The following SUPT3H variants were observed in gnomAD, a reference collection of about 807,000 sequenced individuals.
SUPT3H encodes the protein SPT3 homolog, SAGA and STAGA complex component.
SUPT3H carries 44 observed loss-of-function variants against 44.3 expected under a neutral mutation model. The ratio of observed to expected loss-of-function variants is 0.99; its 90% CI spans 0.78 to 1.28. The LOEUF is 1.28. SUPT3H is among the 50% of genes most tolerant of loss of function. The pLI is 0.00. For missense variants in SUPT3H, 380 were observed against 387.1 expected, an observed-to-expected ratio of 0.98 and a Z score of 0.15; for synonymous variants, 124 against 125.6, an observed-to-expected ratio of 0.99 and a Z score of 0.09.
chr6:44,893,334 G>A (rs1298404051), intron 10 of SUPT3H, among the ~76,000 whole-genome samples: 6 of 152,186 alleles, frequency 3.9e-5, no homozygotes, highest in East Asian at 1.9e-4. Flanking sequence ...CCACTAACTC[G>A]TCATCTAGCA....
intron 2 of SUPT3H, among the ~76,000 whole-genome samples, chr6:45,107,260 T>C (rs548274986): frequency 7.9e-5 from 12 of 152,176 alleles, no homozygotes; most frequent in Non-Finnish European, 1.3e-4. Flanking sequence ...AATAGAGTAC[T>C]GAACCTTCAA....
At chr6:45,141,359 A>AG (rs1227535695) in intron 2 of SUPT3H, among the ~76,000 whole-genome samples, 4 of 149,992 alleles carry the variant, frequency 2.7e-5, no homozygotes, top group Admixed American at 6.7e-5. Context: ...AAAAAAAAAA[A>AG]AAAAGAAAAG....
At chr6:44,870,816 C>A (rs1015005688) in intron 10 of SUPT3H, among the ~76,000 whole-genome samples, 1 of 151,470 alleles carries the variant, frequency 6.6e-6, no homozygotes, top group African/African-American at 2.4e-5. Flanking sequence ...TGAAGCAGGG[C>A]GAGGCATTCC....
intron 2 of SUPT3H, among the ~76,000 whole-genome samples, chr6:45,225,974 TAAG>T (rs1766866711): frequency 6.6e-6 from 1 of 152,096 alleles, no homozygotes; most frequent in South Asian, 2.1e-4. Flanking sequence ...ATAAATTTGT[TAAG>T]GAGAAAAAAA....
intron 3 of SUPT3H, among the ~76,000 whole-genome samples, chr6:45,023,516 T>C (rs1785481629): frequency 1.3e-5 from 2 of 152,074 alleles, no homozygotes; most frequent in African/African-American, 4.8e-5. Flanking sequence ...AACAAGGACA[T>C]GGAATCAACT....
intron 9 of SUPT3H, 54 bp from the exon 10 acceptor site, chr6:44,932,817 T>G: frequency 8.4e-7 from 1 of 1,196,046 alleles, no homozygotes; most frequent in Non-Finnish European, 1.2e-6. Flanking sequence ...GCAACAGAAC[T>G]ACAGTGTATA....
intron 2 of SUPT3H, among the ~76,000 whole-genome samples, chr6:45,318,185 T>A (rs115422986): frequency 0.017 from 2,663 of 152,180 alleles, 50 homozygotes; most frequent in South Asian, 0.085. Flanking sequence ...TTATGTTATA[T>A]GTATTTAACC....
chr6:44,956,399 G>T (rs1002042421), intron 7 of SUPT3H, among the ~76,000 whole-genome samples: 1 of 147,410 alleles, frequency 6.8e-6, no homozygotes, highest in African/African-American at 2.5e-5. Context: ...CAGGAGAATT[G>T]ATTGAAACCG....
rs538041030 is a variant in SUPT3H at position 45,210,063 on chromosome 6, T to TA, written c.102-104058dup. Among the ~76,000 whole-genome samples, 245 of 152,226 alleles carry TA rather than the reference T, an allele frequency of 1.6e-3. 2 individuals carry two copies. Among genetic ancestry groups the TA allele is most frequent in the African/African-American group, 5.6e-3 (231 of 41,540 alleles). ...TGATCAAGACAGCATTTTATAAAAA[T>TA]AAAGTATTTTTGTAATTAAGGTATG... On this transcript the variant is annotated intron_variant, in intron 2 of 10. Transcript: ENST00000371459.
intron 3 of SUPT3H, among the ~76,000 whole-genome samples, chr6:45,053,032 T>C (rs541196993): frequency 6.6e-6 from 1 of 152,006 alleles, no homozygotes; most frequent in South Asian, 2.1e-4. Context: ...TAATTTCTTG[T>C]TTTTGGTGGT....
At chr6:44,986,737 TCTA>T (rs1779847873) in intron 6 of SUPT3H, among the ~76,000 whole-genome samples, 1 of 152,134 alleles carries the variant, frequency 6.6e-6, no homozygotes, top group African/African-American at 2.4e-5. Context: ...TTATTGAGCA[TCTA>T]CTATTATTAC....
chr6:45,216,618 T>C (rs1362066059), intron 2 of SUPT3H, among the ~76,000 whole-genome samples: 4 of 152,116 alleles, frequency 2.6e-5, no homozygotes, highest in Non-Finnish European at 5.9e-5. Context: ...AGGTATGCCA[T>C]GCAAATGGAA....
rs559763687 is a variant in SUPT3H at position 45,377,686 on chromosome 6, G to A, written c.-1+82C>T. 450 of 152,396 alleles carry A rather than the reference G, an allele frequency of 3.0e-3. 4 individuals are homozygous for A. The highest frequency in any genetic ancestry group is 0.013 in the South Asian group (63 of 4,824). The allele number at this position is 152,396 out of a possible 1,614,324, so 9.4% of individuals were successfully genotyped here. On this transcript the variant is annotated intron_variant, in intron 1 of 10. Coordinates refer to ENST00000371459, the MANE Select transcript of SUPT3H (RefSeq NM_003599.4). ...CCGGCGCGGGGGCCCAGCGACGCTG[G>A]GATCTCCGCTCTGCGTCCCTCCCGG... is the stretch of plus-strand genomic sequence containing the variant.
At chr6:45,298,223 C>T (rs55779653) in intron 2 of SUPT3H, among the ~76,000 whole-genome samples, 34,568 of 151,942 alleles carry the variant, frequency 0.23, 4,620 homozygotes, top group Non-Finnish European at 0.31. Context: ...AATAGGAACA[C>T]GAACACAGAA....
chr6:45,076,992 G>T (rs919476800), intron 3 of SUPT3H, among the ~76,000 whole-genome samples: 1 of 151,968 alleles, frequency 6.6e-6, no homozygotes, highest in Non-Finnish European at 1.5e-5. Flanking sequence ...TGCATGCTAT[G>T]TTCCCCTCAA....
At chr6:45,320,806 G>C (rs1330288733) in intron 2 of SUPT3H, among the ~76,000 whole-genome samples, 1 of 152,146 alleles carries the variant, frequency 6.6e-6, no homozygotes, top group Admixed American at 6.5e-5. Context: ...TTTGTACATA[G>C]AGACGTAGTC....
chr6:45,079,518 C>A (rs1364765938), intron 3 of SUPT3H, among the ~76,000 whole-genome samples: 1 of 151,760 alleles, frequency 6.6e-6, no homozygotes, highest in African/African-American at 2.4e-5. Flanking sequence ...GGAAAAAAAC[C>A]TAGAAGAACC....
intron 2 of SUPT3H, among the ~76,000 whole-genome samples, chr6:45,162,004 G>T (rs1171225781): frequency 6.6e-6 from 1 of 150,922 alleles, no homozygotes; most frequent in African/African-American, 2.4e-5. Context: ...AAATACATAG[G>T]AATGTGTATA....
At chr6:44,838,071 T>C (rs1287447517) in intron 10 of SUPT3H, among the ~76,000 whole-genome samples, 1 of 152,032 alleles carries the variant, frequency 6.6e-6, no homozygotes, top group African/African-American at 2.4e-5. Context: ...ACAATTAAGG[T>C]CTTTAAGAAT....
Sources: allele counts gnomAD v4.1 joint callset (sites outside exome capture counted in the v4.1 genomes callset), GRCh38; gene constraint gnomAD v4.1.1; transcripts MANE v1.5; gene names NCBI Gene and HGNC (gene_info 2026-07-23, HGNC 2026-07-21).